Variants in RNF19A observed in about 807,000 individuals in gnomAD.
RNF19A encodes ring finger protein 19A, RBR E3 ubiquitin protein ligase, also known as E3 ubiquitin-protein ligase RNF19A.
Under a neutral mutation model 75.7 loss-of-function variants are expected in RNF19A, and 32 were observed. That is an observed-to-expected ratio of 0.42 (90% CI 0.32 to 0.57). The LOEUF is 0.57. Among genes scored for constraint, RNF19A ranks in the 20% least tolerant of loss-of-function variants. RNF19A has a pLI of 0.10. For missense variants in RNF19A, 782 were observed against 1,036.3 expected (o/e 0.75, Z 3.37); for synonymous variants, 335 against 345.2 (o/e 0.97, Z 0.33).
chr8:100,287,658 T>A lies in RNF19A; in HGVS notation c.517A>T (p.Asn173Tyr). The change falls in exon 2 of 10, where the codon AAT (asparagine) becomes TAT (tyrosine). Residue 173 changes from asparagine to tyrosine, a missense_variant. Asn to Tyr is a moderately radical substitution (Grantham distance 143). This residue lies in a region of RNF19A where 85 missense variants were observed against 177.7 expected (regional missense o/e 0.48). Transcript: ENST00000341084. The surrounding 1 kb of genome is among the most constrained non-coding windows in gnomAD (Gnocchi z 4.1). ...TCAGTACATTCTGGGCAACTAATATTAACTCTGCTTTCAGAGATTTCTATC... is the reference window on the plus strand; with the variant it reads ...TCAGTACATTCTGGGCAACTAATATAAACTCTGCTTTCAGAGATTTCTATC... ...LRIEISESRVNISCPECTERF... is the reference protein window; with the variant it reads ...LRIEISESRVYISCPECTERF... 6.2e-7 allele frequency: 1 copy of A among 1,614,156 alleles called. No individual in the cohort carries two copies. Among genetic ancestry groups the A allele is most frequent in the Non-Finnish European group, 8.5e-7 (1 of 1,179,996 alleles).
Position 100,259,702 on chromosome 8 carries a change from TAC to T in RNF19A, c.1826+150_1826+151del. 1 of 670,378 alleles carries T rather than the reference TAC, an allele frequency of 1.5e-6. No individual in the cohort carries two copies. Among genetic ancestry groups the T allele is most frequent in the African/African-American group, 1.8e-5 (1 of 55,138 alleles). 41.5% of individuals were successfully genotyped at this position (670,378 alleles called of 1,614,324 possible). On this transcript the variant is annotated intron_variant, in intron 9 of 9. Transcript: ENST00000341084. This position sits in a 1 kb window ranked among gnomAD's most constrained non-coding sequence, Gnocchi z 4.5. ...AACCACAAATCCACTTTATGATCTATACAGATTTGCCTACTCTGGACAGCTCA... is the reference window on the plus strand; with the variant it reads ...AACCACAAATCCACTTTATGATCTATAGATTTGCCTACTCTGGACAGCTCA...
intron 2 of RNF19A, among the ~76,000 whole-genome samples, chr8:100,276,808 G>C (rs1360706043): frequency 1.3e-5 from 2 of 151,458 alleles, no homozygotes; most frequent in African/African-American, 2.4e-5. Flanking sequence ...TGACTGTGGT[G>C]GTGGATACAC....
At chr8:100,297,640 T>C (rs1028679932) in intron 1 of RNF19A, among the ~76,000 whole-genome samples, 3 of 152,152 alleles carry the variant, frequency 2.0e-5, no homozygotes, top group African/African-American at 7.2e-5. Flanking sequence ...GTAATTCTAG[T>C]GAGGCAGAAC....
In RNF19A at chr8:100,260,242, C is replaced by CA; in HGVS notation, c.1683-246dup. On this transcript the variant is annotated intron_variant, in intron 8 of 9. Coordinates refer to ENST00000341084, the MANE Select transcript of RNF19A (RefSeq NM_183419.4). This position sits in a 1 kb window ranked among gnomAD's most constrained non-coding sequence, Gnocchi z 4.1. Reference sequence around the variant, plus strand: ...TGGTAATGAAATAACACAAAAAAGACACAAAGGATTTTCACTTAAATGTAC... The same window carrying CA: ...TGGTAATGAAATAACACAAAAAAGACAACAAAGGATTTTCACTTAAATGTAC... Among the ~76,000 whole-genome samples, 1 of 152,174 alleles carries CA rather than the reference C, an allele frequency of 6.6e-6. No homozygotes were observed. Among genetic ancestry groups the CA allele is most frequent in the Non-Finnish European group, 1.5e-5 (1 of 68,008 alleles).
chr8:100,264,615 CAAAACT>C lies in RNF19A; in HGVS notation c.1306+50_1306+55del. The C allele has an allele frequency of 1.7e-6, 2 of 1,171,068 alleles. No individual in the cohort carries two copies. Among genetic ancestry groups the C allele is most frequent in the Non-Finnish European group, 2.5e-6 (2 of 805,232 alleles). 72.5% of individuals were successfully genotyped at this position (1,171,068 alleles called of 1,614,324 possible). On this transcript the variant is annotated intron_variant, in intron 6 of 9. Transcript: ENST00000341084. The surrounding 1 kb of genome is among the most constrained non-coding windows in gnomAD (Gnocchi z 4.7). Reference sequence around the variant, plus strand: ...AAAACAATTAAAAAAAATCCTTCCACAAAACTTTAACTCCATAAAATTGTAGGTAAT... The same window carrying C: ...AAAACAATTAAAAAAAATCCTTCCACTTAACTCCATAAAATTGTAGGTAAT...
chr8:100,276,743 A>T (rs34333820), intron 2 of RNF19A, among the ~76,000 whole-genome samples: 1 of 149,444 alleles, frequency 6.7e-6, no homozygotes, highest in Non-Finnish European at 1.5e-5. Flanking sequence ...AAAAAAAAAA[A>T]GAAAAAAAGG....
In RNF19A at chr8:100,264,873, T is replaced by A; in HGVS notation, c.1192-88A>T. The A allele has an allele frequency of 1.0e-6, 1 of 997,164 alleles. No individual in the cohort carries two copies. Among genetic ancestry groups the A allele is most frequent in the Non-Finnish European group, 1.5e-6 (1 of 645,856 alleles). The allele number at this position is 997,164 out of a possible 1,614,324, so 61.8% of individuals were successfully genotyped here. A position where few individuals can be genotyped will look rare whatever the true frequency, so the allele number is the denominator to read the frequency against. ...TGAAAAAGATCTATACTTGCTAAAG[T>A]GATTTTTCATAGAAGTTCGTAGCTG... On this transcript the variant is annotated intron_variant, in intron 5 of 9. Transcript: ENST00000341084. This position sits in a 1 kb window ranked among gnomAD's most constrained non-coding sequence, Gnocchi z 4.7.
chr8:100,312,866 G>A (rs922470596), upstream of RNF19A, among the ~76,000 whole-genome samples: 3 of 152,278 alleles, frequency 2.0e-5, no homozygotes, highest in South Asian at 6.2e-4. Context: ...AGGTTGCAGC[G>A]AGCTGAGATT....
rs774832158 is a variant in RNF19A at position 100,287,833 on chromosome 8, A to C, written c.342T>G (p.Ser114=). The part of the protein sequence containing the change: ...DKNSIFSTNT[S]SDNGLTSISK... ...TGATGGAAGTTAATCCATTGTCAGAAGAGGTATTTGTAGAGAAAATGGAGT... is the reference window on the plus strand; with the variant it reads ...TGATGGAAGTTAATCCATTGTCAGACGAGGTATTTGTAGAGAAAATGGAGT... Residue 114 remains serine, a synonymous_variant, in exon 2 of 10, where the codon TCT becomes TCG. Coordinates refer to ENST00000341084, the MANE Select transcript of RNF19A (RefSeq NM_183419.4). The surrounding 1 kb of genome is among the most constrained non-coding windows in gnomAD (Gnocchi z 4.1). The C allele has an allele frequency of 3.1e-6, 5 of 1,614,166 alleles. No homozygotes were observed. The South Asian group carries it at 4.4e-5, about 14-fold the overall frequency.
chr8:100,274,877 A>G (rs1820427101), intron 3 of RNF19A, 76 bp downstream of exon 3: 1 of 1,159,290 alleles, frequency 8.6e-7, no homozygotes, highest in African/African-American at 1.6e-5. Flanking sequence ...GAAAACAGGA[A>G]TACTTAACTT....
In RNF19A at chr8:100,330,377, G is replaced by T. The variant is rs910362656; in HGVS notation, c.-243+5731C>A. Among the ~76,000 whole-genome samples the T allele has an allele frequency of 2.6e-5, 4 of 152,128 alleles. No homozygotes were observed. Among genetic ancestry groups the T allele is most frequent in the African/African-American group, 9.7e-5 (4 of 41,410 alleles). ...GAGACCCATCCCTCCCTCATTCTTG[G>T]TTCATAATATTAAAGTCATGACCTG... is the stretch of plus-strand genomic sequence containing the variant. On this transcript the variant is annotated intron_variant, in intron 1 of 3. Coordinates refer to the RNF19A transcript ENST00000519527. The surrounding 1 kb of genome is among the most constrained non-coding windows in gnomAD (Gnocchi z 4.1).
intron 1 of RNF19A, 139 bp downstream of exon 1, chr8:100,309,728 C>T: frequency 1.0e-6 from 1 of 982,496 alleles, no homozygotes; most frequent in African/African-American, 1.7e-5. Flanking sequence ...ACGCCTTTCC[C>T]ACCGGACTTC....
chr8:100,262,829 A>T (rs1467717744), intron 7 of RNF19A, among the ~76,000 whole-genome samples: 1 of 152,142 alleles, frequency 6.6e-6, no homozygotes, highest in Admixed American at 6.5e-5. Flanking sequence ...AAGTGGCTGG[A>T]TTATGGCTAA....
intron 1 of RNF19A, among the ~76,000 whole-genome samples, chr8:100,316,987 C>G (rs989693068): frequency 2.6e-5 from 4 of 152,228 alleles, no homozygotes; most frequent in African/African-American, 9.6e-5. Context: ...GCTGGGGGAC[C>G]CAGTACACTC....
Position 100,269,306 on chromosome 8 carries a change from G to C in RNF19A, c.1029-359C>G, listed in dbSNP as rs1197013713. Among the ~76,000 whole-genome samples the C allele has an allele frequency of 6.6e-6, 1 of 151,520 alleles. No homozygotes were observed. Among genetic ancestry groups the C allele is most frequent in the Non-Finnish European group, 1.5e-5 (1 of 67,898 alleles). On this transcript the variant is annotated intron_variant, in intron 4 of 9. Coordinates refer to ENST00000341084, the MANE Select transcript of RNF19A (RefSeq NM_183419.4). This position sits in a 1 kb window ranked among gnomAD's most constrained non-coding sequence, Gnocchi z 5.7. ...GCATATTTTTAGGCATCAATTATCT[G>C]ATTATATCACAAACTCACTCTGTAG...
At chr8:100,309,680 C>A (rs1208958434) in intron 1 of RNF19A, among the ~76,000 whole-genome samples, 187 bp downstream of exon 1, 4 of 152,186 alleles carry the variant, frequency 2.6e-5, no homozygotes, top group Non-Finnish European at 5.9e-5. Flanking sequence ...CCCCCTAAGC[C>A]GGCCACGGCC....
intron 1 of RNF19A, among the ~76,000 whole-genome samples, chr8:100,335,048 A>T (rs1264617589): frequency 1.3e-5 from 2 of 152,214 alleles, no homozygotes; most frequent in African/African-American, 2.4e-5. Context: ...TTGGAAATGC[A>T]ATACACAATT....
At chr8:100,334,617 A>C (rs966173176) in intron 1 of RNF19A, among the ~76,000 whole-genome samples, 1 of 152,134 alleles carries the variant, frequency 6.6e-6, no homozygotes, top group Admixed American at 6.5e-5. Context: ...CCAGAATTTT[A>C]TTGGTCTAAG....
chr8:100,315,312 T>C (rs1405722090), intron 1 of RNF19A, among the ~76,000 whole-genome samples: 1 of 152,074 alleles, frequency 6.6e-6, no homozygotes, highest in Non-Finnish European at 1.5e-5. Context: ...AAAGTACATA[T>C]GATATAGACA....
Sources: gnomAD v4.1 joint callset for allele counts (sites outside exome capture counted in the v4.1 genomes callset) on GRCh38, gnomAD v4.1.1 for gene constraint, gnomAD v4.1.1 regional missense constraint, Gnocchi (gnomAD v3.1) non-coding constraint, MANE v1.5 for transcripts, NCBI Gene and HGNC (gene_info 2026-07-23, HGNC 2026-07-21) for gene names.